Variants in THBS4 observed in about 807,000 individuals in gnomAD.
THBS4 encodes thrombospondin 4, also known as thrombospondin-4.
Under a neutral mutation model 115.7 loss-of-function variants are expected in THBS4, and 90 were observed. The ratio of observed to expected loss-of-function variants is 0.78; its 90% CI spans 0.66 to 0.93. The LOEUF is 0.93. THBS4 is among the 40% of genes least tolerant of loss of function. THBS4 has a pLI of 0.00. For synonymous variants in THBS4, 460 were observed against 479.3 expected (o/e 0.96, Z 0.53); for missense variants, 1,087 against 1,232.7 (o/e 0.88, Z 1.77).
chr5:80,000,842 G>A (rs1327051677), intron 2 of THBS4, among the ~76,000 whole-genome samples: 3 of 152,132 alleles, frequency 2.0e-5, no homozygotes, highest in African/African-American at 7.2e-5. Flanking sequence ...AGGGTTACGG[G>A]CGGGAATTGT....
chr5:80,019,000 A>T (rs929305753), intron 2 of THBS4, among the ~76,000 whole-genome samples: 1 of 146,710 alleles, frequency 6.8e-6, no homozygotes. Flanking sequence ...ATTTTCTTTT[A>T]CTTCGATTGC....
Position 80,058,342 on chromosome 5 carries a change from C to T in THBS4, c.649+28C>T, listed in dbSNP as rs1833502507. On this transcript the variant is annotated intron_variant, in intron 4 of 21. Coordinates refer to ENST00000350881, the MANE Select transcript of THBS4 (RefSeq NM_003248.6). Reference sequence around the variant, plus strand: ...GTGGGCTCTTGGGCAGTTTGCATGCCTTCATCAACACAAACTCCAAAGACC... The same window carrying T: ...GTGGGCTCTTGGGCAGTTTGCATGCTTTCATCAACACAAACTCCAAAGACC... The T allele has an allele frequency of 3.3e-6, 5 of 1,501,404 alleles. No individual in the cohort carries two copies. The Admixed American group carries it at 7.9e-5, about 24-fold the overall frequency. 93.0% of individuals were successfully genotyped at this position (1,501,404 alleles called of 1,614,324 possible).
rs755230190 is a variant in THBS4 at position 80,040,093 on chromosome 5, A to G, written c.105A>G (p.Pro35=). 2.5e-6 allele frequency: 4 copies of G among 1,613,002 alleles called. No individual in the cohort carries two copies. The highest frequency in any genetic ancestry group is 4.5e-5 in the East Asian group (2 of 44,846). ...TCTTCCCAGTCTTTGACCTTCTCCC[A>G]TCTTCCAGTCAGAGGCTAAACCCAG... ...QATPQVFDLL[P]SSSQRLNPGA... Residue 35 remains proline (P), a synonymous_variant, in exon 2 of 22, where the codon CCA becomes CCG. Transcript: ENST00000350881.
chr5:80,011,506 C>A (rs1832125695), intron 2 of THBS4, among the ~76,000 whole-genome samples: 1 of 152,136 alleles, frequency 6.6e-6, no homozygotes, highest in Non-Finnish European at 1.5e-5. Context: ...GAAAATCATT[C>A]TTTGATTTGT....
chr5:80,063,558 A>G (rs1424783272), intron 8 of THBS4, among the ~76,000 whole-genome samples: 2 of 152,154 alleles, frequency 1.3e-5, no homozygotes, highest in African/African-American at 4.8e-5. Context: ...CCATTTGTCA[A>G]TTTTGGCTTT....
intron 2 of THBS4, among the ~76,000 whole-genome samples, chr5:80,019,125 C>G (rs1467482147): frequency 6.6e-6 from 1 of 150,750 alleles, no homozygotes; most frequent in Admixed American, 6.6e-5. Context: ...TTTGGAACTA[C>G]AAAACCACAA....
Position 79,999,157 on chromosome 5 carries a change from C to T in THBS4, n.177+730C>T, listed in dbSNP as rs1178444177. 5.3e-5 allele frequency among the ~76,000 whole-genome samples: 8 copies of T among 152,118 alleles called. No homozygotes were observed. In the East Asian group the frequency reaches 5.8e-4, roughly 11 times the overall value. ...AAGAAAAAAAAGCAATATATTAAAA[C>T]GCTTTGTTTGAATATATGTATATTT... On this transcript the variant is annotated intron_variant and non_coding_transcript_variant, in intron 2 of 3. Coordinates refer to the THBS4 transcript ENST00000510218.
Position 80,035,927 on chromosome 5 carries a change from T to C in THBS4, c.88+302T>C. ...AACTTGCTACACGGTCCTAGACCTCTTAACATGTTAGGCTCTGGTGTAGGG... is the reference window on the plus strand; with the variant it reads ...AACTTGCTACACGGTCCTAGACCTCCTAACATGTTAGGCTCTGGTGTAGGG... On this transcript the variant is annotated intron_variant, in intron 1 of 21. Coordinates refer to ENST00000350881, the MANE Select transcript of THBS4 (RefSeq NM_003248.6). The surrounding 1 kb of genome is among the most constrained non-coding windows in gnomAD (Gnocchi z 4.6). The C allele has an allele frequency of 9.6e-7, 1 of 1,036,726 alleles. No individual in the cohort carries two copies. The highest frequency in any genetic ancestry group is 1.2e-6 in the Non-Finnish European group (1 of 845,290). 64.2% of individuals were successfully genotyped at this position (1,036,726 alleles called of 1,614,324 possible).
chr5:80,070,906 A>G, intron 12 of THBS4, 115 bp from the exon 13 acceptor site: 1 of 1,580,712 alleles, frequency 6.3e-7, no homozygotes, highest in Non-Finnish European at 8.6e-7. Flanking sequence ...AGATTCACAG[A>G]TGTTTGAAAT....
chr5:80,050,240 A>G (rs1299879258), intron 2 of THBS4, among the ~76,000 whole-genome samples: 1 of 152,196 alleles, frequency 6.6e-6, no homozygotes, highest in Non-Finnish European at 1.5e-5. Flanking sequence ...AGGGTAATTC[A>G]CGTAGAGCTG....
chr5:80,052,605 T>C (rs1833289951), intron 2 of THBS4: 1 of 152,202 alleles, frequency 6.6e-6, no homozygotes, highest in African/African-American at 2.4e-5. Context: ...CAAGTGGTGG[T>C]GACCACGTCG....
At chr5:80,057,099 AT>A (rs1833457520) in intron 3 of THBS4, among the ~76,000 whole-genome samples, 1 of 152,180 alleles carries the variant, frequency 6.6e-6, no homozygotes, top group African/African-American at 2.4e-5. Flanking sequence ...TTTAATGTAG[AT>A]TTACATATGG....
At chr5:80,026,455 C>A (rs1292523672) in intron 2 of THBS4, among the ~76,000 whole-genome samples, 1 of 152,098 alleles carries the variant, frequency 6.6e-6, no homozygotes, top group African/African-American at 2.4e-5. Flanking sequence ...ACAAGGATTG[C>A]CAGAAAAGGC....
At chr5:80,061,143 A>T (rs1274566759) in intron 7 of THBS4, among the ~76,000 whole-genome samples, 1 of 152,152 alleles carries the variant, frequency 6.6e-6, no homozygotes, top group Non-Finnish European at 1.5e-5. Flanking sequence ...TGTTTTTTAC[A>T]TTAGTTGAAG....
intron 2 of THBS4, among the ~76,000 whole-genome samples, chr5:80,042,311 G>A (rs985259694): frequency 1.3e-5 from 2 of 152,210 alleles, no homozygotes; most frequent in African/African-American, 4.8e-5. Flanking sequence ...GTTTGTGATC[G>A]TAAAAATCAC....
chr5:79,995,073 A>C (rs1440340178), intron 1 of THBS4, among the ~76,000 whole-genome samples: 5 of 152,238 alleles, frequency 3.3e-5, no homozygotes, highest in Non-Finnish European at 7.3e-5. Context: ...TGAGTAAACG[A>C]ATGCTGGGTT....
chr5:80,040,208 A>G lies in THBS4; in HGVS notation c.220A>G (p.Ile74Val), dbSNP rs1832852797. The stretch of plus-strand genomic sequence containing the variant: ...GCTGCAGACTAAAAGTTCAGCCACC[A>G]TCTTCGGTCTTTACTCTTCAACTGA... ...FKLQTKSSATIFGLYSSTDNS... is the reference protein window; with the variant it reads ...FKLQTKSSATVFGLYSSTDNS... The change falls in exon 2 of 22, where the codon ATC (isoleucine) becomes GTC (valine). Residue 74 changes from isoleucine to valine, a missense_variant. Around this residue, in one of 3 missense-constraint regions of THBS4, gnomAD observed 979 missense variants for 1,103.7 expected, o/e 0.89. Transcript: ENST00000350881. 1 of 1,614,010 alleles carries G rather than the reference A, an allele frequency of 6.2e-7. No individual in the cohort carries two copies. The highest frequency in any genetic ancestry group is 1.6e-4 in the Middle Eastern group (1 of 6,084).
chr5:80,000,705 G>A (rs1831881336), intron 2 of THBS4, among the ~76,000 whole-genome samples: 1 of 152,120 alleles, frequency 6.6e-6, no homozygotes, highest in East Asian at 1.9e-4. Context: ...AAACCAAAAG[G>A]ATAAGATGAG....
Position 80,077,005 on chromosome 5 carries a change from C to A in THBS4, c.2043C>A (p.Asp681Glu). 1.9e-6 allele frequency: 3 copies of A among 1,612,370 alleles called. No homozygotes were observed. Among genetic ancestry groups the A allele is most frequent in the Non-Finnish European group, 1.7e-6 (2 of 1,179,082 alleles). ...GIPDLVPPGP[D>E]NCRLVPNPAQ... ...CAGACCTGGTGCCCCCTGGACCAGA[C>A]AACTGCCGGCTGGTCCCCAACCCAG... Residue 681 changes from aspartate (D) to glutamate (E), a missense_variant, in exon 16 of 22, where the codon GAC becomes GAA. Coordinates refer to ENST00000350881, the MANE Select transcript of THBS4 (RefSeq NM_003248.6).
Sources: gnomAD v4.1 joint callset for allele counts (sites outside exome capture counted in the v4.1 genomes callset) on GRCh38, gnomAD v4.1.1 for gene constraint, gnomAD v4.1.1 regional missense constraint, Gnocchi (gnomAD v3.1) non-coding constraint, MANE v1.5 for transcripts, NCBI Gene and HGNC (gene_info 2026-07-23, HGNC 2026-07-21) for gene names.